Variants in UNC13C observed in about 807,000 individuals in gnomAD.
The protein encoded by UNC13C is protein unc-13 homolog C.
A neutral mutation model predicts 245.4 loss-of-function variants in UNC13C; 174 were observed. The observed-to-expected ratio is 0.71, with a 90% CI of 0.63 to 0.80. UNC13C has a LOEUF of 0.80. UNC13C is among the 30% of genes least tolerant of loss of function. UNC13C has a pLI of 0.00. For missense variants in UNC13C, 2,829 were observed against 2,602.9 expected (o/e 1.09, Z -1.89); for synonymous variants, 992 against 895.1 (o/e 1.11, Z -1.93).
chr15:54,506,480 A>G (rs754086892), intron 22 of UNC13C, among the ~76,000 whole-genome samples: 111 of 152,112 alleles, frequency 7.3e-4, no homozygotes, highest in Non-Finnish European at 1.2e-4. Flanking sequence ...TTCAAGGTCA[A>G]CTTTCTATTT....
intron 22 of UNC13C, 39 bp from the exon 23 acceptor site, chr15:54,507,078 T>TA: frequency 1.4e-6 from 2 of 1,388,656 alleles, no homozygotes; most frequent in Non-Finnish European, 2.0e-6. Context: ...GTAAACTACA[T>TA]ACTTACCTGG....
intron 10 of UNC13C, among the ~76,000 whole-genome samples, chr15:54,292,199 G>A (rs2037315693): frequency 6.6e-6 from 1 of 151,978 alleles, no homozygotes; most frequent in Non-Finnish European, 1.5e-5. Flanking sequence ...ACATTTCAGT[G>A]TCTAGTAAAT....
chr15:54,272,278 A>AC (rs2036706831), intron 10 of UNC13C, among the ~76,000 whole-genome samples: 1 of 152,056 alleles, frequency 6.6e-6, no homozygotes, highest in Non-Finnish European at 1.5e-5. Context: ...ATGGCTCTCC[A>AC]CCGTGCCATG....
intron 16 of UNC13C, among the ~76,000 whole-genome samples, chr15:54,335,779 G>C (rs956524430): frequency 1.3e-5 from 2 of 152,118 alleles, no homozygotes; most frequent in Non-Finnish European, 2.9e-5. Context: ...AGATGTTTGA[G>C]TTATTTACAA....
At chr15:53,885,259 G>C in the UNC13C span, among the ~76,000 whole-genome samples, 1 of 152,134 alleles carries the variant, frequency 6.6e-6, no homozygotes, top group Non-Finnish European at 1.5e-5. Flanking sequence ...ATTACCCAGT[G>C]AGAGTCTTAG....
upstream of UNC13C, among the ~76,000 whole-genome samples, chr15:53,978,390 C>CG (rs1303741153): frequency 6.6e-6 from 1 of 152,058 alleles, no homozygotes; most frequent in East Asian, 1.9e-4. Context: ...AGAGGGAGCC[C>CG]GGGCGCTCTC....
intron 19 of UNC13C, among the ~76,000 whole-genome samples, chr15:54,425,568 T>A (rs1451561905): frequency 6.6e-6 from 1 of 151,842 alleles, no homozygotes; most frequent in African/African-American, 2.4e-5. Flanking sequence ...TAGTCCCTCT[T>A]AGTGCTACTA....
intron 19 of UNC13C, among the ~76,000 whole-genome samples, chr15:54,487,120 A>C (rs1260414684): frequency 7.9e-5 from 12 of 151,120 alleles, no homozygotes; most frequent in African/African-American, 3.0e-4. Context: ...CCAGAATTCT[A>C]CGTAGATCAA....
chr15:53,898,342 G>T, the UNC13C span, among the ~76,000 whole-genome samples: 1 of 152,098 alleles, frequency 6.6e-6, no homozygotes, highest in Non-Finnish European at 1.5e-5. Flanking sequence ...AAGATGGTAA[G>T]GTTATTGAGT....
intron 4 of UNC13C, among the ~76,000 whole-genome samples, chr15:54,231,485 T>C (rs2035551171): frequency 8.6e-6 from 1 of 116,038 alleles, no homozygotes; most frequent in South Asian, 2.6e-4. Flanking sequence ...TTGGGTATGA[T>C]TTTGAAGGAT....
At chr15:54,227,295 C>T (rs575624872) in intron 4 of UNC13C, among the ~76,000 whole-genome samples, 1 of 152,296 alleles carries the variant, frequency 6.6e-6, no homozygotes, top group East Asian at 1.9e-4. Flanking sequence ...TAAGTTCTCA[C>T]TCCTGGCTGT....
chr15:54,190,251 T>C (rs1393456022), intron 4 of UNC13C, among the ~76,000 whole-genome samples: 1 of 152,170 alleles, frequency 6.6e-6, no homozygotes, highest in Non-Finnish European at 1.5e-5. Context: ...ACATACAAGC[T>C]TTTCTTTTTC....
Position 54,527,152 on chromosome 15 carries a change from T to C in UNC13C, c.5546+1515T>C, listed in dbSNP as rs116928562. Reference sequence around the variant, plus strand: ...GATCCTGCCTACTTCACCGGGATGTTAGTCAGCAATTTCAAGGTTCTGTTT... The same window carrying C: ...GATCCTGCCTACTTCACCGGGATGTCAGTCAGCAATTTCAAGGTTCTGTTT... On this transcript the variant is annotated intron_variant, in intron 25 of 32. Transcript: ENST00000260323. Among the ~76,000 whole-genome samples, 18 of 152,316 alleles carry C rather than the reference T, an allele frequency of 1.2e-4. No individual in the cohort carries two copies. The East Asian group carries it at 2.9e-3, about 24-fold the overall frequency.
intron 2 of UNC13C, among the ~76,000 whole-genome samples, chr15:54,061,119 A>C (rs1454845675): frequency 7.2e-4 from 2 of 2,784 alleles, no homozygotes; most frequent in Non-Finnish European, 1.5e-3. Flanking sequence ...AAGTATAATA[A>C]TAATAAAAAA....
At chr15:54,620,510 C>G (rs954365632) in intron 30 of UNC13C, among the ~76,000 whole-genome samples, 1 of 152,128 alleles carries the variant, frequency 6.6e-6, no homozygotes, top group Admixed American at 6.6e-5. Context: ...CAGGTTCATA[C>G]TGTATTAGTT....
intron 29 of UNC13C, among the ~76,000 whole-genome samples, chr15:54,565,313 G>A (rs1055095882): frequency 1.3e-5 from 2 of 151,804 alleles, no homozygotes; most frequent in Non-Finnish European, 2.9e-5. Flanking sequence ...ACAAGGTCTG[G>A]CTCATGATAC....
rs2038204926 is a variant in UNC13C at position 54,323,014 on chromosome 15, T to C, written c.4425+919T>C. ...GAGACAGGTTTTTTGTTCTCTTTTT[T>C]TTTTTTTCATGGAGGAAACTAAGAT... On this transcript the variant is annotated intron_variant, in intron 14 of 32. Coordinates refer to ENST00000260323, the MANE Select transcript of UNC13C (RefSeq NM_001080534.3). 2.6e-5 allele frequency among the ~76,000 whole-genome samples: 4 copies of C among 151,752 alleles called. No homozygotes were observed. The South Asian group carries it at 8.3e-4, about 31-fold the overall frequency.
At chr15:53,897,470 G>A in the UNC13C span, among the ~76,000 whole-genome samples, 2 of 152,098 alleles carry the variant, frequency 1.3e-5, no homozygotes, top group Non-Finnish European at 2.9e-5. Context: ...GTAGGGATGA[G>A]GGTCTCACTA....
chr15:54,546,427 C>A (rs1255958490), intron 26 of UNC13C, among the ~76,000 whole-genome samples: 1 of 152,000 alleles, frequency 6.6e-6, no homozygotes, highest in Non-Finnish European at 1.5e-5. Context: ...ATGTAACAAA[C>A]CTGCACATTC....
Sources: gnomAD v4.1 joint callset for allele counts (sites outside exome capture counted in the v4.1 genomes callset) on GRCh38, gnomAD v4.1.1 for gene constraint, MANE v1.5 for transcripts, NCBI Gene and HGNC (gene_info 2026-07-23, HGNC 2026-07-21) for gene names.